Variants in ADGRL3 observed in about 807,000 individuals in gnomAD.
The protein encoded by ADGRL3 is adhesion G protein-coupled receptor L3.
ADGRL3 carries 62 observed loss-of-function variants against 153.5 expected under a neutral mutation model. The ratio of observed to expected loss-of-function variants is 0.40; its 90% CI spans 0.33 to 0.50. The LOEUF (loss-of-function observed/expected upper bound fraction) is 0.50. Ranked by LOEUF, ADGRL3 falls within the 20% of genes least tolerant of loss-of-function variation. ADGRL3 has a pLI of 0.47. For missense variants in ADGRL3, 1,641 were observed against 1,859.4 expected, an observed-to-expected ratio of 0.88 and a Z score of 2.16; for synonymous variants, 710 against 672.5, an observed-to-expected ratio of 1.06 and a Z score of -0.86.
intron 1 of ADGRL3, among the ~76,000 whole-genome samples, chr4:61,333,234 T>A (rs1279925893): frequency 6.6e-6 from 1 of 152,174 alleles, no homozygotes; most frequent in Non-Finnish European, 1.5e-5. Flanking sequence ...CTGATAGAAC[T>A]AATATCTTCA....
At chr4:61,816,810 C>A (rs1051666517) in intron 9 of ADGRL3, among the ~76,000 whole-genome samples, 1 of 152,108 alleles carries the variant, frequency 6.6e-6, no homozygotes, top group African/African-American at 2.4e-5. Context: ...GCACCCCCTA[C>A]CAAGTTAAAG....
At chr4:61,400,822 A>G (rs1433030583) in intron 2 of ADGRL3, among the ~76,000 whole-genome samples, 1 of 151,306 alleles carries the variant, frequency 6.6e-6, no homozygotes, top group East Asian at 1.9e-4. Context: ...AGTTACAAAA[A>G]AAAAAAAAAA....
intron 8 of ADGRL3, among the ~76,000 whole-genome samples, chr4:61,736,889 G>A (rs75169151): frequency 0.023 from 3,521 of 152,218 alleles, 158 homozygotes; most frequent in African/African-American, 0.079. Flanking sequence ...TGCTCAAATT[G>A]AAAAGCTAGT....
chr4:61,837,574 A>G (rs1218978232), intron 9 of ADGRL3, among the ~76,000 whole-genome samples: 1 of 152,130 alleles, frequency 6.6e-6, no homozygotes, highest in African/African-American at 2.4e-5. Context: ...AAGGGGACTC[A>G]GAGTCGGTAT....
chr4:62,021,570 A>G lies in ADGRL3; in HGVS notation c.3396-7285A>G, dbSNP rs544758665. Among the ~76,000 whole-genome samples the G allele has an allele frequency of 2.0e-5, 3 of 152,190 alleles. No homozygotes were observed. The South Asian group carries it at 6.2e-4, about 32-fold the overall frequency. The stretch of plus-strand genomic sequence containing the variant: ...TGTATTAATACTTCCCAGACATTGC[A>G]TTTTTTACAAATTGTAAGTTTGTAG... On this transcript the variant is annotated intron_variant, in intron 21 of 26. Coordinates refer to ENST00000683033, the MANE Select transcript of ADGRL3 (RefSeq NM_001387552.1).
chr4:61,920,249 A>T (rs1405594341), intron 13 of ADGRL3, among the ~76,000 whole-genome samples: 1 of 152,184 alleles, frequency 6.6e-6, no homozygotes, highest in East Asian at 1.9e-4. Flanking sequence ...TAGCTTGATG[A>T]TTACATAGCT....
intron 1 of ADGRL3, among the ~76,000 whole-genome samples, chr4:61,305,343 A>G (rs1251769047): frequency 6.6e-6 from 1 of 152,172 alleles, no homozygotes; most frequent in Non-Finnish European, 1.5e-5. Context: ...CATTATAGAA[A>G]ATTTGTAGCA....
intron 5 of ADGRL3, among the ~76,000 whole-genome samples, chr4:61,600,613 G>GT (rs1361735617): frequency 2.6e-5 from 4 of 152,124 alleles, no homozygotes; most frequent in Non-Finnish European, 4.4e-5. Context: ...AGAAAAATCT[G>GT]TTTTTTCCAC....
At chr4:61,768,546 A>G (rs922292823) in intron 8 of ADGRL3, among the ~76,000 whole-genome samples, 1 of 152,036 alleles carries the variant, frequency 6.6e-6, no homozygotes, top group African/African-American at 2.4e-5. Context: ...TACGACAAGA[A>G]TTATTTAGAT....
chr4:61,720,882 T>G (rs548679357), intron 6 of ADGRL3, among the ~76,000 whole-genome samples: 224 of 152,300 alleles, frequency 1.5e-3, no homozygotes, highest in Non-Finnish European at 2.8e-3. Flanking sequence ...AGAGGTTTAG[T>G]GCAGGCTTCG....
chr4:62,016,851 C>G (rs951007341), intron 21 of ADGRL3, among the ~76,000 whole-genome samples: 1 of 152,076 alleles, frequency 6.6e-6, no homozygotes, highest in Admixed American at 6.5e-5. Context: ...TGAGGCCTTC[C>G]ATTATATCCT....
intron 1 of ADGRL3, among the ~76,000 whole-genome samples, chr4:61,321,485 G>A (rs2095354495): frequency 6.6e-6 from 1 of 151,834 alleles, no homozygotes; most frequent in Non-Finnish European, 1.5e-5. Context: ...ACAGTCATAT[G>A]TTGCTTAATT....
intron 11 of ADGRL3, among the ~76,000 whole-genome samples, chr4:61,896,093 A>G (rs781514302): frequency 7.9e-5 from 12 of 152,146 alleles, no homozygotes; most frequent in African/African-American, 1.2e-4. Context: ...CACTACAGCT[A>G]TAAAAGTCCA....
At chr4:61,641,817 G>C (rs1392180924) in intron 5 of ADGRL3, among the ~76,000 whole-genome samples, 1 of 149,492 alleles carries the variant, frequency 6.7e-6, no homozygotes, top group Non-Finnish European at 1.5e-5. Context: ...TGGGATGGCT[G>C]GGACAAATGG....
chr4:61,956,407 T>C (rs1373056784), intron 17 of ADGRL3, among the ~76,000 whole-genome samples: 1 of 152,150 alleles, frequency 6.6e-6, no homozygotes, highest in Non-Finnish European at 1.5e-5. Context: ...TGTAAATTTG[T>C]TTAAGTTTCA....
intron 17 of ADGRL3, among the ~76,000 whole-genome samples, chr4:61,950,239 A>G (rs2098941814): frequency 6.6e-6 from 1 of 152,168 alleles, no homozygotes. Context: ...AAAGGTTTAC[A>G]GGTTTTTTTT....
At chr4:61,347,245 AT>A (rs2095936990) in intron 1 of ADGRL3, among the ~76,000 whole-genome samples, 2 of 151,828 alleles carry the variant, frequency 1.3e-5, no homozygotes, top group East Asian at 1.9e-4. Context: ...CTTTAGGAAA[AT>A]TTTTAAAAAG....
At chr4:61,322,742 C>A (rs2095386163) in intron 1 of ADGRL3, among the ~76,000 whole-genome samples, 1 of 152,188 alleles carries the variant, frequency 6.6e-6, no homozygotes, top group Non-Finnish European at 1.5e-5. Context: ...TGTGGCTTTT[C>A]AGGGTACAGC....
rs1170718124 is a variant in ADGRL3, at chr4:61,814,202, G to T, written c.1480+313G>T. Among the ~76,000 whole-genome samples the T allele has an allele frequency of 2.7e-5, 4 of 150,804 alleles. 1 individual carries two copies. Among genetic ancestry groups the T allele is most frequent in the South Asian group, 4.2e-4 (2 of 4,768 alleles). On this transcript the variant is annotated intron_variant, in intron 9 of 26. Transcript: ENST00000683033. ...CCAGATAACCGTTAACTTTTTTACT[G>T]GGACCTTCTTTTTCTACTATCTTAT...
Sources: allele counts gnomAD v4.1 joint callset (sites outside exome capture counted in the v4.1 genomes callset), GRCh38; gene constraint gnomAD v4.1.1; transcripts MANE v1.5; gene names NCBI Gene and HGNC (gene_info 2026-07-23, HGNC 2026-07-21).